The following PRMT5 variants were observed in gnomAD, a reference collection of about 807,000 sequenced individuals.
The protein encoded by PRMT5 is protein arginine methyltransferase 5, also known as protein arginine N-methyltransferase 5.
A neutral mutation model predicts 84.0 loss-of-function variants in PRMT5; 15 were observed. That is an observed-to-expected ratio of 0.18 (90% CI 0.12 to 0.28). PRMT5 has a LOEUF of 0.28. PRMT5 is among the 10% of genes least tolerant of loss of function. The probability of loss-of-function intolerance (pLI) is 1.00; values close to 1 mark genes in which losing one functional copy is unlikely to be tolerated. For synonymous variants in PRMT5, 276 were observed against 292.4 expected, an observed-to-expected ratio of 0.94 and a Z score of 0.57; for missense variants, 486 against 808.0, an observed-to-expected ratio of 0.60 and a Z score of 4.83.
intron 13 of PRMT5, 52 bp downstream of exon 13, chr14:22,922,999 A>G (rs780534684): frequency 4.0e-6 from 6 of 1,482,544 alleles, no homozygotes; most frequent in Non-Finnish European, 5.6e-6. Flanking sequence ...AAATACAGAA[A>G]AAGAAGAGGA....
At position 22,920,965 on chromosome 14, in the gene PRMT5, G is replaced by A. The variant is rs1485639181; in HGVS notation, c.1853C>T (p.Thr618Ile). The A allele has an allele frequency of 6.2e-7, 1 of 1,614,226 alleles. No homozygotes were observed. Among genetic ancestry groups the A allele is most frequent in the African/African-American group, 1.3e-5 (1 of 75,060 alleles). The change falls in exon 17 of 17, where the codon ACA (threonine) becomes ATA (isoleucine). Residue 618 changes from threonine (T) to isoleucine (I), a missense_variant. Physicochemically the swap from Thr to Ile is moderately conservative, Grantham distance 89. Coordinates refer to ENST00000324366, the MANE Select transcript of PRMT5 (RefSeq NM_006109.5). ...SKKVWYEWAV[T>I]APVCSAIHNP... The stretch of plus-strand genomic sequence containing the variant: ...ATGAATAGCAGAACAGACTGGTGCT[G>A]TCACAGCCCACTCATACCACACCTT...
intron 7 of PRMT5, 49 bp downstream of exon 7, chr14:22,926,084 A>G: frequency 6.6e-7 from 1 of 1,518,352 alleles, no homozygotes; most frequent in Middle Eastern, 1.8e-4. Context: ...ACAGGTAAAT[A>G]AGGCAAGATG....
Position 22,924,940 on chromosome 14 carries a change from G to A in PRMT5, c.878C>T (p.Pro293Leu). ...GGCAAAGAGTTCATAGGCATTAGGT[G>A]GAGGACGGTTCTGGCTTAAGTATTC... ...YLEYLSQNRP[P>L]PNAYELFAKG... is the part of the protein sequence containing the mutation. Residue 293 changes from proline to leucine, a missense_variant, in exon 8 of 17, where the codon CCA becomes CTA. Around this residue, in one of 4 missense-constraint regions of PRMT5, gnomAD observed 215 missense variants for 301.1 expected, o/e 0.71. Transcript: ENST00000324366. This position sits in a 1 kb window ranked among gnomAD's most constrained non-coding sequence, Gnocchi z 6.5. The A allele has an allele frequency of 6.2e-7, 1 of 1,614,174 alleles. No homozygotes were observed.
rs1462943151 is a variant in PRMT5 at position 22,926,776 on chromosome 14, C to T, written c.489G>A (p.Leu163=). The T allele has an allele frequency of 6.2e-7, 1 of 1,614,052 alleles. No individual in the cohort carries two copies. The highest frequency in any genetic ancestry group is 1.3e-5 in the African/African-American group (1 of 74,906). Residue 163 remains leucine, a synonymous_variant, in exon 5 of 17, where the codon CTG becomes CTA. Transcript: ENST00000324366. The part of the protein sequence containing the change: ...MRVPLVAPED[L]RDDIIENAPT... ...GTGCATTCTCAATTATATCATCTCTCAGGTCCTCTGGTGCCACCAAGGGTA... is the reference window on the plus strand; with the variant it reads ...GTGCATTCTCAATTATATCATCTCTTAGGTCCTCTGGTGCCACCAAGGGTA...
chr14:22,921,113 G>A (rs941049900), intron 16 of PRMT5, 57 bp from the exon 17 acceptor site: 4 of 1,590,640 alleles, frequency 2.5e-6, no homozygotes, highest in Admixed American at 1.7e-5. Context: ...ACATGGCAAT[G>A]TATTAAGGTA....
chr14:22,921,855 C>G (rs1429614422), intron 16 of PRMT5, among the ~76,000 whole-genome samples: 1 of 141,536 alleles, frequency 7.1e-6, no homozygotes, highest in East Asian at 2.2e-4. Flanking sequence ...GCACTCCAGC[C>G]TGGGCGACAG....
At chr14:22,929,201 C>G (rs377751166) in intron 1 of PRMT5, 51 bp downstream of exon 1, 3 of 1,614,010 alleles carry the variant, frequency 1.9e-6, no homozygotes, top group African/African-American at 2.7e-5. Context: ...CTGCCCTTCT[C>G]CGTCCCCGAG....
In PRMT5 at chr14:22,928,802, T is replaced by G. The variant is rs2044482321; in HGVS notation, c.111-187A>C. On this transcript the variant is annotated intron_variant, in intron 1 of 16. Coordinates refer to ENST00000324366, the MANE Select transcript of PRMT5 (RefSeq NM_006109.5). This position sits in a 1 kb window ranked among gnomAD's most constrained non-coding sequence, Gnocchi z 4.8. ...GCTGTACTGTGCCTCAATTTCTCCC[T>G]AAAACACAGCCATGGGACATATGAG... 6.6e-6 allele frequency among the ~76,000 whole-genome samples: 1 copy of G among 152,150 alleles called. No individual in the cohort carries two copies. The highest frequency in any genetic ancestry group is 1.5e-5 in the Non-Finnish European group (1 of 68,024).
chr14:22,922,539 G>A lies in PRMT5; in HGVS notation c.1600C>T (p.Arg534Cys), dbSNP rs1307386753. The A allele has an allele frequency of 5.0e-6, 8 of 1,613,680 alleles. No homozygotes were observed. Among genetic ancestry groups the A allele is most frequent in the East Asian group, 4.5e-5 (2 of 44,900 alleles). The change falls in exon 15 of 17, where the codon CGC (arginine) becomes TGC (cysteine). Residue 534 changes from arginine (R) to cysteine (C), a missense_variant. This residue lies in a region of PRMT5 where 219 missense variants were observed against 433.6 expected (regional missense o/e 0.51). Transcript: ENST00000324366. ...PNRDPMIDNN[R>C]YCTLEFPVEV... ...ACAGGAAATTCCAAGGTGCAATAGC[G>A]GTTGTTGTCAATCATAGGATCTGTC...
Position 22,928,335 on chromosome 14 carries a change from G to C in PRMT5, c.230-124C>G. The C allele has an allele frequency of 2.5e-6, 3 of 1,186,534 alleles. No homozygotes were observed. The highest frequency in any genetic ancestry group is 3.7e-6 in the Non-Finnish European group (3 of 805,628). The allele number at this position is 1,186,534 out of a possible 1,614,324, so 73.5% of individuals were successfully genotyped here. A position where few individuals can be genotyped will look rare whatever the true frequency, so the allele number is the denominator to read the frequency against. On this transcript the variant is annotated intron_variant, in intron 2 of 16. Transcript: ENST00000324366. The surrounding 1 kb of genome is among the most constrained non-coding windows in gnomAD (Gnocchi z 4.8). ...AAAGGTTTTTTCTACATAGACATGG[G>C]ATAGCCTGATGCAGAATAGAGAAGC...
In PRMT5 at chr14:22,926,274, G is replaced by A. The variant is rs1365018376; in HGVS notation, c.636C>T (p.Leu212=). 17 of 1,613,666 alleles carry A rather than the reference G, an allele frequency of 1.1e-5. No individual in the cohort carries two copies. The highest frequency in any genetic ancestry group is 1.4e-5 in the Non-Finnish European group (16 of 1,179,880). ...AGCGATCAATGACATGATTAGATGG[G>A]AGGTCAGCCCCAATTTCAAGAGCTA... ...IAVALEIGAD[L]PSNHVIDRWL... The change falls in exon 7 of 17, where the codon CTC becomes CTT. Residue 212 remains leucine (L), a synonymous_variant. Coordinates refer to ENST00000324366, the MANE Select transcript of PRMT5 (RefSeq NM_006109.5).
At chr14:22,922,656 C>T in intron 14 of PRMT5, 86 bp downstream of exon 14, 15 of 1,518,014 alleles carry the variant, frequency 9.9e-6, no homozygotes, top group Non-Finnish European at 1.3e-5. Flanking sequence ...GTAGATAAGG[C>T]AGACTAGGGA....
chr14:22,926,730 A>T lies in PRMT5; in HGVS notation c.535T>A (p.Tyr179Asn). 1 of 1,613,862 alleles carries T rather than the reference A, an allele frequency of 6.2e-7. No individual in the cohort carries two copies. The highest frequency in any genetic ancestry group is 8.5e-7 in the Non-Finnish European group (1 of 1,179,924). Residue 179 changes from tyrosine to asparagine, a missense_variant, in exon 5 of 17, where the codon TAC becomes AAC. By Grantham distance (143) the Tyr-to-Asn change is moderately radical. Coordinates refer to ENST00000324366, the MANE Select transcript of PRMT5 (RefSeq NM_006109.5). Reference sequence around the variant, plus strand: ...ATCCACGTTTTCTCCTCCCCACTGTACTCCTCTGTGTGTGTAGTTGGTGCA... The same window carrying T: ...ATCCACGTTTTCTCCTCCCCACTGTTCTCCTCTGTGTGTGTAGTTGGTGCA... ...ENAPTTHTEE[Y>N]SGEEKTWMWW...
chr14:22,928,661 C>G lies in PRMT5; in HGVS notation c.111-46G>C. On this transcript the variant is annotated intron_variant, in intron 1 of 16. Transcript: ENST00000324366. This position sits in a 1 kb window ranked among gnomAD's most constrained non-coding sequence, Gnocchi z 4.8. ...GAATCATGTAAAGACAGCAGCAGTG[C>G]CAGAGAGCCAAGCAACTGGATTTAG... is the stretch of plus-strand genomic sequence containing the variant. 7.0e-7 allele frequency: 1 copy of G among 1,427,528 alleles called. No homozygotes were observed. The allele number at this position is 1,427,528 out of a possible 1,614,324, so 88.4% of individuals were successfully genotyped here.
intron 16 of PRMT5, among the ~76,000 whole-genome samples, chr14:22,921,814 G>A (rs372013932): frequency 7.3e-5 from 11 of 151,148 alleles, no homozygotes; most frequent in African/African-American, 2.7e-4. Context: ...CCCGGGAGGC[G>A]GAGCTTGCAG....
chr14:22,923,264 A>C lies in PRMT5; in HGVS notation c.1376-104T>G. 3.8e-6 allele frequency: 3 copies of C among 784,152 alleles called. No individual in the cohort carries two copies. Among genetic ancestry groups the C allele is most frequent in the Non-Finnish European group, 6.0e-6 (3 of 499,320 alleles). The allele number at this position is 784,152 out of a possible 1,614,324, so 48.6% of individuals were successfully genotyped here. A position where few individuals can be genotyped will look rare whatever the true frequency, so the allele number is the denominator to read the frequency against. On this transcript the variant is annotated intron_variant, in intron 12 of 16. Coordinates refer to ENST00000324366, the MANE Select transcript of PRMT5 (RefSeq NM_006109.5). This position sits in a 1 kb window ranked among gnomAD's most constrained non-coding sequence, Gnocchi z 5.2. ...AAACCTCCCATGTCAAAACCAACCA[A>C]CGTTGGCATGGGCATGGAAGAAAGA...
At chr14:22,922,899 A>C in intron 13 of PRMT5, 64 bp from the exon 14 acceptor site, 1 of 1,522,494 alleles carries the variant, frequency 6.6e-7, no homozygotes. Flanking sequence ...CTACTTCCCC[A>C]AGGATTAAAA....
Position 22,924,518 on chromosome 14 carries a change from A to G in PRMT5, c.1037T>C (p.Leu346Pro), listed in dbSNP as rs1458132372. 1 of 1,614,148 alleles carries G rather than the reference A, an allele frequency of 6.2e-7. No homozygotes were observed. Among genetic ancestry groups the G allele is most frequent in the Non-Finnish European group, 8.5e-7 (1 of 1,180,002 alleles). ...CTTCTCCTCTTCTGGTACTCGGTCT[A>G]GCAGACATTTATAGATGGCCTGGAG... ...QYQQAIYKCL[L>P]DRVPEEEKDT... Residue 346 changes from leucine to proline, a missense_variant, in exon 10 of 17, where the codon CTA becomes CCA. Transcript: ENST00000324366. The surrounding 1 kb of genome is among the most constrained non-coding windows in gnomAD (Gnocchi z 6.5).
chr14:22,923,120 C>T lies in PRMT5; in HGVS notation c.1416G>A (p.Leu472=), dbSNP rs548906575. Residue 472 remains leucine, a synonymous_variant, in exon 13 of 17, where the codon CTG becomes CTA. Coordinates refer to ENST00000324366, the MANE Select transcript of PRMT5 (RefSeq NM_006109.5). The surrounding 1 kb of genome is among the most constrained non-coding windows in gnomAD (Gnocchi z 5.2). ...ACAGCTTGGAGGAAGAGATGGGAGC[C>T]AGAAAGGAAGTGTACTCCCCGGGGA... ...VSIPGEYTSF[L]APISSSKLYN... The T allele has an allele frequency of 1.2e-6, 2 of 1,613,640 alleles. No individual in the cohort carries two copies. The highest frequency in any genetic ancestry group is 2.2e-5 in the South Asian group (2 of 90,998).
Sources: gnomAD v4.1 joint callset for allele counts (sites outside exome capture counted in the v4.1 genomes callset) on GRCh38, gnomAD v4.1.1 for gene constraint, gnomAD v4.1.1 regional missense constraint, Gnocchi (gnomAD v3.1) non-coding constraint, MANE v1.5 for transcripts, NCBI Gene and HGNC (gene_info 2026-07-23, HGNC 2026-07-21) for gene names.